Variants in CHM observed in about 807,000 individuals in gnomAD.
The protein encoded by CHM is CHM Rab escort protein.
Under a neutral mutation model 49.0 loss-of-function variants are expected in CHM, and 10 were observed. The observed-to-expected ratio is 0.20, with a 90% confidence interval of 0.13 to 0.35. CHM has a LOEUF of 0.35. Among genes scored for constraint, CHM ranks in the 10% least tolerant of loss-of-function variants. The pLI is 1.00. For synonymous variants in CHM, 184 were observed against 167.5 expected (o/e 1.10, Z -0.76); for missense variants, 455 against 478.4 (o/e 0.95, Z 0.46).
intron 1 of CHM, chrX:86,047,124 A>T (rs1450452497): frequency 3.4e-6 from 1 of 292,551 alleles, no homozygotes; most frequent in Non-Finnish European, 6.2e-6. Context: ...GAAATCAATA[A>T]GGAAGGAATC....
rs183759890 is a variant in CHM at position 85,957,149 on chromosome X, A to C, written c.940+706T>G. On this transcript the variant is annotated intron_variant, in intron 7 of 14. Transcript: ENST00000357749. The stretch of plus-strand genomic sequence containing the variant: ...GACTTTCATTATTTCACAGAGGAAA[A>C]AAAATATCGCTGCACTTCTCATTGT... 5.3e-5 allele frequency among the ~76,000 whole-genome samples: 6 copies of C among 112,311 alleles called. No homozygotes were observed. In the East Asian group the frequency reaches 1.4e-3, roughly 26 times the overall value.
chrX:85,864,818 C>T lies in CHM; in HGVS notation c.1774G>A (p.Glu592Lys). ...LGNDNAVKQA[E>K]TLFQEICPNE... is the part of the protein sequence containing the mutation. ...GGGCAGATTTCCTGGAAAAGTGTTT[C>T]AGCCTGGCCAAGGAAGAAAAGATAA... Residue 592 changes from glutamate to lysine, a missense_variant, in exon 15 of 15, where the codon GAA (glutamate) becomes AAA (lysine). Coordinates refer to ENST00000357749, the MANE Select transcript of CHM (RefSeq NM_000390.4). 1 of 1,205,161 alleles carries T rather than the reference C, an allele frequency of 8.3e-7. No homozygotes were observed. Among genetic ancestry groups the T allele is most frequent in the Non-Finnish European group, 1.1e-6 (1 of 891,643 alleles).
intron 4 of CHM, among the ~76,000 whole-genome samples, chrX:85,972,346 C>A (rs944622685): frequency 8.8e-6 from 1 of 113,622 alleles, no homozygotes; most frequent in Non-Finnish European, 1.9e-5. Context: ...GCCAGTCCCG[C>A]GCCATGCGCT....
chrX:85,989,731 T>C (rs1361069052), intron 2 of CHM, among the ~76,000 whole-genome samples: 1 of 94,654 alleles, frequency 1.1e-5, no homozygotes, highest in African/African-American at 3.5e-5. Flanking sequence ...GTCAATAGCA[T>C]ATGGAAAAAA....
At chrX:85,997,931 T>C (rs181081813) in intron 2 of CHM, among the ~76,000 whole-genome samples, 21 of 109,371 alleles carry the variant, frequency 1.9e-4, no homozygotes, top group Admixed American at 9.8e-4. Context: ...GCTTGGGCCA[T>C]AGAGCGAGAC....
intron 2 of CHM, among the ~76,000 whole-genome samples, chrX:86,024,985 C>A (rs944489260): frequency 9.0e-6 from 1 of 110,841 alleles, no homozygotes; most frequent in South Asian, 3.9e-4. Context: ...ATGAAGATAT[C>A]AGATGATAGG....
chrX:86,047,100 G>C lies in CHM; in HGVS notation c.49+384C>G, dbSNP rs1603288661. The C allele has an allele frequency of 8.8e-5, 22 of 250,875 alleles. 1 individual carries two copies. In the South Asian group the frequency reaches 1.1e-3, roughly 13 times the overall value. 20.7% of individuals were successfully genotyped at this position (250,875 alleles called of 1,213,427 possible). On this transcript the variant is annotated intron_variant, in intron 1 of 14. Coordinates refer to ENST00000357749, the MANE Select transcript of CHM (RefSeq NM_000390.4). The stretch of plus-strand genomic sequence containing the variant: ...TATGAAATGGCGAGACAAAATGATG[G>C]GGAATATCACCTTGAAATCAATAAG...
At chrX:85,901,029 C>A in intron 10 of CHM, 55 bp downstream of exon 10, 2 of 818,701 alleles carry the variant, frequency 2.4e-6, no homozygotes, top group Non-Finnish European at 3.6e-6. Context: ...AACAGAATTA[C>A]ACAGGAATGT....
chrX:85,954,430 A>G (rs113427184), intron 8 of CHM, among the ~76,000 whole-genome samples: 191 of 111,762 alleles, frequency 1.7e-3, no homozygotes, highest in Middle Eastern at 9.3e-3. Context: ...CTAGGTATAT[A>G]CCCAAAAGAA....
chrX:85,954,532 A>C (rs979712743), intron 8 of CHM, among the ~76,000 whole-genome samples: 10 of 112,039 alleles, frequency 8.9e-5, no homozygotes, highest in Admixed American at 6.6e-4. Flanking sequence ...CTAAGTGCCC[A>C]GCAACAGATA....
chrX:85,943,220 C>T (rs1929222614), intron 8 of CHM, among the ~76,000 whole-genome samples: 1 of 110,313 alleles, frequency 9.1e-6, no homozygotes, highest in Admixed American at 9.8e-5. Flanking sequence ...TGAACTCAAA[C>T]TACAATGAAC....
chrX:86,019,869 G>T (rs765800076), intron 2 of CHM, among the ~76,000 whole-genome samples: 7 of 111,540 alleles, frequency 6.3e-5, no homozygotes, highest in African/African-American at 2.3e-4. Context: ...TATCAGAGTA[G>T]TCCAATGGCA....
chrX:85,910,042 T>G (rs775385190), intron 9 of CHM, among the ~76,000 whole-genome samples: 1 of 111,802 alleles, frequency 8.9e-6, no homozygotes, highest in Non-Finnish European at 1.9e-5. Flanking sequence ...GTACTATCCT[T>G]CTATAAAAGT....
At chrX:85,870,865 C>T (rs994728410) in intron 14 of CHM, among the ~76,000 whole-genome samples, 2 of 111,512 alleles carry the variant, frequency 1.8e-5, no homozygotes, top group Non-Finnish European at 3.8e-5. Context: ...AGACAGATCA[C>T]TTTATGTTTT....
intron 8 of CHM, among the ~76,000 whole-genome samples, chrX:85,934,742 A>G (rs1468268518): frequency 9.0e-6 from 1 of 110,506 alleles, no homozygotes; most frequent in Non-Finnish European, 1.9e-5. Flanking sequence ...CACAATAAAC[A>G]TATGTGTCCA....
chrX:85,893,572 A>G (rs765454896), intron 12 of CHM, among the ~76,000 whole-genome samples: 24 of 111,541 alleles, frequency 2.2e-4, no homozygotes, highest in Non-Finnish European at 3.8e-4. Flanking sequence ...TGCAAAAGTT[A>G]TTAAGAGGTA....
At chrX:86,032,600 T>C (rs1467317189) in intron 1 of CHM, among the ~76,000 whole-genome samples, 1 of 112,054 alleles carries the variant, frequency 8.9e-6, no homozygotes, top group Non-Finnish European at 1.9e-5. Context: ...ACTATAGAGG[T>C]TCATCAAACA....
At chrX:85,865,085 T>C (rs1923601959) in intron 14 of CHM, among the ~76,000 whole-genome samples, 1 of 111,441 alleles carries the variant, frequency 9.0e-6, no homozygotes, top group Non-Finnish European at 1.9e-5. Context: ...GTTCAGATTG[T>C]TGAGAACTGA....
At chrX:85,897,489 C>T (rs1336549455) in intron 11 of CHM, among the ~76,000 whole-genome samples, 1 of 109,148 alleles carries the variant, frequency 9.2e-6, no homozygotes, top group African/African-American at 3.3e-5. Context: ...AGGGGAGCCT[C>T]CTGATTCATT....
Sources: gnomAD v4.1 joint callset for allele counts (sites outside exome capture counted in the v4.1 genomes callset) on GRCh38, gnomAD v4.1.1 for gene constraint, MANE v1.5 for transcripts, NCBI Gene and HGNC (gene_info 2026-07-23, HGNC 2026-07-21) for gene names.